Variants in BCAR1 observed in about 807,000 individuals in gnomAD.
BCAR1 encodes BCAR1 scaffold protein, Cas family member, also known as breast cancer anti-estrogen resistance protein 1.
In BCAR1, 30 loss-of-function variants were observed where a neutral mutation model predicts 67.6. The ratio of observed to expected loss-of-function variants is 0.44; its 90% CI spans 0.33 to 0.60. BCAR1 has a LOEUF of 0.60. BCAR1 is among the 20% of genes least tolerant of loss of function. The probability of loss-of-function intolerance (pLI) is 0.02; values close to 1 mark genes in which losing one functional copy is unlikely to be tolerated. For synonymous variants in BCAR1, 626 were observed against 556.7 expected (o/e 1.12, Z -1.75); for missense variants, 1,313 against 1,222.3 (o/e 1.07, Z -1.11).
intron 1 of BCAR1, among the ~76,000 whole-genome samples, chr16:75,259,653 C>A (rs1204582588): frequency 6.6e-6 from 1 of 151,756 alleles, no homozygotes; most frequent in African/African-American, 2.4e-5. Context: ...GAGATTGAGA[C>A]CATCCTGGCT....
chr16:75,249,425 G>C (rs984600082), intron 1 of BCAR1: 3 of 152,238 alleles, frequency 2.0e-5, no homozygotes, highest in Non-Finnish European at 4.4e-5. Context: ...GGCCAGGAAG[G>C]GCCTGACAGA....
rs1457704506 is a variant in BCAR1, at chr16:75,243,030, G to A, written c.73C>T (p.Arg25Cys). The change falls in exon 2 of 7, where the codon CGC becomes TGC. Residue 25 changes from arginine to cysteine, a missense_variant. Arg to Cys is a radical substitution (Grantham distance 180, BLOSUM62 -3). Around this residue, in one of 2 missense-constraint regions of BCAR1, gnomAD observed 41 missense variants for 84.8 expected, o/e 0.48. Transcript: ENST00000162330. ...VAESPDELSF[R>C]KGDIMTVLEQ... ...AGCACCGTCATGATGTCACCCTTGC[G>A]GAAGGAGAGCTCATCCGGGGACTCG... The A allele has an allele frequency of 6.2e-6, 10 of 1,610,852 alleles. No homozygotes were observed. The highest frequency in any genetic ancestry group is 1.3e-5 in the African/African-American group (1 of 74,892).
rs2076830233 is a variant in BCAR1 at position 75,229,843 on chromosome 16, C to T, written c.2281G>A (p.Ala761Thr). 9 of 1,613,384 alleles carry T rather than the reference C, an allele frequency of 5.6e-6. No homozygotes were observed. Among genetic ancestry groups the T allele is most frequent in the Non-Finnish European group, 7.6e-6 (9 of 1,180,000 alleles). The change falls in exon 7 of 7, where the codon GCC becomes ACC. Residue 761 changes from alanine (A) to threonine (T), a missense_variant. Transcript: ENST00000162330. ...CEANLTTLTNAVDAFFTAVAT... is the reference protein window; with the variant it reads ...CEANLTTLTNTVDAFFTAVAT... ...ACGGCGGTAAAGAAGGCGTCCACGG[C>T]GTTGGTCAGTGTGGTCAGGTTGGCC...
rs2151384460 is a variant in BCAR1, at chr16:75,229,745, C to T, written c.2379G>A (p.Val793=). 2.5e-6 allele frequency: 4 copies of T among 1,613,478 alleles called. No individual in the cohort carries two copies. The highest frequency in any genetic ancestry group is 3.4e-6 in the Non-Finnish European group (4 of 1,179,996). Residue 793 remains valine (V), a synonymous_variant, in exon 7 of 7, where the codon GTG becomes GTA. Coordinates refer to ENST00000162330, the MANE Select transcript of BCAR1 (RefSeq NM_014567.5). ...GCCGTGACAGTGTGTCCCCGATGAA[C>T]ACCAGCTTGTGGGCGCTGAGGATGA... ...KFVILSAHKL[V]FIGDTLSRQA...
Position 75,229,752 on chromosome 16 carries a change from T to A in BCAR1, c.2372A>T (p.Lys791Met). ...HSKFVILSAH[K>M]LVFIGDTLSR... is the part of the protein sequence containing the mutation. ...CAGTGTGTCCCCGATGAACACCAGC[T>A]TGTGGGCGCTGAGGATGACGAACTT... Residue 791 changes from lysine (K) to methionine (M), a missense_variant, in exon 7 of 7, where the codon AAG (lysine) becomes ATG (methionine). Lys to Met is a moderately conservative substitution (Grantham distance 95). Transcript: ENST00000162330. 1 of 1,613,464 alleles carries A rather than the reference T, an allele frequency of 6.2e-7. No homozygotes were observed.
At chr16:75,256,618 G>T (rs924168237), upstream of BCAR1, among the ~76,000 whole-genome samples, 10 of 152,178 alleles carry the variant, frequency 6.6e-5, no homozygotes, top group Non-Finnish European at 1.5e-5. Context: ...ACTGGAAGAG[G>T]CAGCACAACT....
intron 1 of BCAR1, chr16:75,243,589 AAAAAG>A (rs1214617490): frequency 2.3e-5 from 10 of 438,610 alleles, no homozygotes; most frequent in African/African-American, 1.6e-4. Flanking sequence ...CCCCAAATCC[AAAAAG>A]TCAGTAATTA....
chr16:75,263,184 T>C (rs1325011173), intron 1 of BCAR1: 6 of 983,976 alleles, frequency 6.1e-6, no homozygotes, highest in African/African-American at 1.7e-5. Context: ...ACTTCACAGA[T>C]GGGAAGCAAG....
intron 2 of BCAR1, 139 bp from the exon 3 acceptor site, chr16:75,237,483 G>T (rs773317439): frequency 3.6e-5 from 38 of 1,047,672 alleles, no homozygotes; most frequent in Non-Finnish European, 4.8e-5. Flanking sequence ...AAGGATGCCA[G>T]TTCTCACCCC....
At chr16:75,240,050 G>A (rs1239726531) in intron 2 of BCAR1, among the ~76,000 whole-genome samples, 3 of 152,138 alleles carry the variant, frequency 2.0e-5, no homozygotes, top group Non-Finnish European at 4.4e-5. Context: ...GAGTCTCGGT[G>A]CCAGTGTGGC....
chr16:75,237,995 GC>G (rs2151422289), intron 2 of BCAR1: 1 of 1,274,218 alleles, frequency 7.8e-7, no homozygotes, highest in South Asian at 1.2e-5. Flanking sequence ...CGGGGGAGCT[GC>G]CTGCAGCAGG....
chr16:75,264,414 C>T (rs1446108181), intron 1 of BCAR1: 4 of 1,531,088 alleles, frequency 2.6e-6, no homozygotes, highest in Non-Finnish European at 3.5e-6. Context: ...AGGAGCAGGG[C>T]TGGCCAGTCC....
Position 75,236,919 on chromosome 16 carries a change from C to T in BCAR1, c.875G>A (p.Ser292Asn), listed in dbSNP as rs765357684. 1.9e-6 allele frequency: 3 copies of T among 1,612,414 alleles called. No individual in the cohort carries two copies. The highest frequency in any genetic ancestry group is 1.3e-5 in the African/African-American group (1 of 74,914). ...PLLEVYDVPPSVEKGLPPSNH... is the reference protein window; with the variant it reads ...PLLEVYDVPPNVEKGLPPSNH... ...GGACGGTGGCAGGCCCTTCTCCACA[C>T]TGGGGGGCACGTCATACACCTCCAG... Residue 292 changes from serine to asparagine, a missense_variant, in exon 4 of 7, where the codon AGT (serine) becomes AAT (asparagine). Ser to Asn is a conservative substitution (Grantham distance 46). This residue lies in a region of BCAR1 where 1,272 missense variants were observed against 1,137.5 expected (regional missense o/e 1.12). Transcript: ENST00000162330.
At chr16:75,237,142 T>A in intron 3 of BCAR1, 41 bp downstream of exon 3, 2 of 1,492,878 alleles carry the variant, frequency 1.3e-6, no homozygotes, top group Non-Finnish European at 8.9e-7. Flanking sequence ...AGGCACAGAC[T>A]TGCCGCCCTG....
intron 2 of BCAR1, chr16:75,238,054 G>A (rs2077205267): frequency 7.8e-7 from 1 of 1,288,914 alleles, no homozygotes. Context: ...GGGGAAGTGG[G>A]TCCAGGGCCA....
Position 75,235,171 on chromosome 16 carries a change from C to A in BCAR1, c.1728G>T (p.Leu576=), listed in dbSNP as rs776500712. Residue 576 remains leucine, a synonymous_variant, in exon 5 of 7, where the codon CTG becomes CTT. Transcript: ENST00000162330. The part of the protein sequence containing the change: ...RGGSGATLED[L]DRLVACSRAV... ...CCCGCGAGCAGGCCACCAGCCGGTC[C>A]AGGTCCTCAAGGGTGGCTCCAGAGC... 22 of 1,608,838 alleles carry A rather than the reference C, an allele frequency of 1.4e-5. 1 individual carries two copies. In the Middle Eastern group the frequency reaches 2.3e-3, roughly 168 times the overall value.
At position 75,242,696 on chromosome 16, in the gene BCAR1, T is replaced by C. The variant is rs763626049; in HGVS notation, c.407A>G (p.Gln136Arg). ...CTGCTTGGCTGGGGGAGACTGGAAC[T>C]GAGGGCTGGGACCCGGGACTTGGTA... ...GLYQVPGPSP[Q>R]FQSPPAKQTS... The change falls in exon 2 of 7, where the codon CAG (glutamine) becomes CGG (arginine). Residue 136 changes from glutamine to arginine, a missense_variant. By Grantham distance (43) the Gln-to-Arg change is conservative (BLOSUM62 1). Around this residue, in one of 2 missense-constraint regions of BCAR1, gnomAD observed 1,272 missense variants for 1,137.5 expected, o/e 1.12. Transcript: ENST00000162330. 71 of 1,547,046 alleles carry C rather than the reference T, an allele frequency of 4.6e-5. No homozygotes were observed. The highest frequency in any genetic ancestry group is 5.7e-5 in the Non-Finnish European group (66 of 1,149,206).
At chr16:75,236,297 A>C in intron 4 of BCAR1, 2 of 456,590 alleles carry the variant, frequency 4.4e-6, no homozygotes, top group Non-Finnish European at 3.9e-6. Flanking sequence ...CTCCCAAAGA[A>C]TTGCATGTGT....
chr16:75,240,653 G>T (rs1477229148), intron 2 of BCAR1, among the ~76,000 whole-genome samples: 1 of 152,184 alleles, frequency 6.6e-6, no homozygotes, highest in African/African-American at 2.4e-5. Context: ...ATTTTCTACA[G>T]CAAACAAGCA....
Sources: allele counts gnomAD v4.1 joint callset (sites outside exome capture counted in the v4.1 genomes callset), GRCh38; gene constraint gnomAD v4.1.1; regional missense constraint gnomAD v4.1.1; transcripts MANE v1.5; gene names NCBI Gene and HGNC (gene_info 2026-07-23, HGNC 2026-07-21).